Variants in POTEC observed in about 807,000 individuals in gnomAD.
POTEC encodes POTE ankyrin domain family member C.
A neutral mutation model predicts 62.0 loss-of-function variants in POTEC; 35 were observed. The ratio of observed to expected loss-of-function variants is 0.56; its 90% CI spans 0.43 to 0.75. The LOEUF is 0.75. Ranked by LOEUF, POTEC falls within the 30% of genes least tolerant of loss-of-function variation. The pLI is 0.00. For synonymous variants in POTEC, 156 were observed against 221.5 expected, an observed-to-expected ratio of 0.70 and a Z score of 2.62; for missense variants, 472 against 655.9, an observed-to-expected ratio of 0.72 and a Z score of 3.06.
intron 3 of POTEC, among the ~76,000 whole-genome samples, chr18:14,536,663 C>T (rs1357808806): frequency 6.6e-6 from 1 of 152,092 alleles, no homozygotes; most frequent in African/African-American, 2.4e-5. Flanking sequence ...ACAACTCTAG[C>T]TGGAAGCTAG....
At chr18:14,534,844 A>T in intron 4 of POTEC, 57 bp downstream of exon 4, 1 of 1,500,414 alleles carries the variant, frequency 6.7e-7, no homozygotes, top group Non-Finnish European at 8.9e-7. Context: ...ATTATTTATG[A>T]CTTGAGTGAC....
chr18:14,537,187 A>C (rs1905748894), intron 3 of POTEC, among the ~76,000 whole-genome samples: 1 of 75,206 alleles, frequency 1.3e-5, no homozygotes, highest in African/African-American at 8.8e-5. Flanking sequence ...ACACACACAC[A>C]CACACACACA....
rs575312213 is a variant in POTEC at position 14,538,135 on chromosome 18, C to T, written c.636G>A (p.Lys212=). 1.3e-3 allele frequency: 2,014 copies of T among 1,607,382 alleles called. 4 individuals carry two copies. The highest frequency in any genetic ancestry group is 1.5e-3 in the Non-Finnish European group (1,794 of 1,177,406). The stretch of plus-strand genomic sequence containing the variant: ...GCTGATATAGTTGACTACTGCATAC[C>T]TTTATCAGAGCTGTCCTTTTTTTGT... The part of the protein sequence containing the change: ...LDNKKRTALI[K]AVQCQEDECV... The change falls in exon 2 of 11, where the codon AAG becomes AAA. Residue 212 remains lysine (K), a splice_region_variant and synonymous_variant. Coordinates refer to ENST00000358970, the MANE Select transcript of POTEC (RefSeq NM_001137671.2).
At chr18:14,542,415 G>A (rs1293611732) in intron 1 of POTEC, among the ~76,000 whole-genome samples, 2 of 152,126 alleles carry the variant, frequency 1.3e-5, no homozygotes, top group African/African-American at 2.4e-5. Context: ...GTTCTATAAG[G>A]GAAATTATAA....
chr18:14,521,018 A>G (rs1598478126), intron 9 of POTEC, among the ~76,000 whole-genome samples: 1 of 152,164 alleles, frequency 6.6e-6, no homozygotes, highest in East Asian at 1.9e-4. Flanking sequence ...TATTTACTAA[A>G]TGGCTCTTTG....
Position 14,524,949 on chromosome 18 carries a change from T to C in POTEC, c.1161A>G (p.Ser387=). ...TATTTTCACTGACTTTAAGCCTTTGTGACTCTTCCTCTGATGTTAGCTTTA... is the reference window on the plus strand; with the variant it reads ...TATTTTCACTGACTTTAAGCCTTTGCGACTCTTCCTCTGATGTTAGCTTTA... The part of the protein sequence containing the change: ...QDLKLTSEEE[S]QRLKVSENSQ... The change falls in exon 7 of 11, where the codon TCA becomes TCG. Residue 387 remains serine, a synonymous_variant. Coordinates refer to ENST00000358970, the MANE Select transcript of POTEC (RefSeq NM_001137671.2). The C allele has an allele frequency of 2.5e-6, 4 of 1,605,866 alleles. No homozygotes were observed. Among genetic ancestry groups the C allele is most frequent in the Non-Finnish European group, 3.4e-6 (4 of 1,177,732 alleles).
rs536135284 is a variant in POTEC at position 14,535,965 on chromosome 18, C to T, written c.811-958G>A. 8.4e-4 allele frequency among the ~76,000 whole-genome samples: 128 copies of T among 152,008 alleles called. 1 individual carries two copies. The highest frequency in any genetic ancestry group is 7.1e-4 in the Non-Finnish European group (48 of 68,006). On this transcript the variant is annotated intron_variant, in intron 3 of 10. Coordinates refer to ENST00000358970, the MANE Select transcript of POTEC (RefSeq NM_001137671.2). ...AATAATATTCATTTTAATGTCCCAA[C>T]GACAGAGATAAGTCAGACTAGGCCA...
At chr18:14,533,926 A>C (rs1389717261) in intron 4 of POTEC, among the ~76,000 whole-genome samples, 2 of 88,546 alleles carry the variant, frequency 2.3e-5, no homozygotes, top group African/African-American at 8.7e-5. Context: ...TTGTTTTGTT[A>C]TTTTTTTTTA....
intron 1 of POTEC, among the ~76,000 whole-genome samples, chr18:14,539,040 G>A (rs1176453114): frequency 2.0e-5 from 3 of 151,922 alleles, no homozygotes; most frequent in East Asian, 1.9e-4. Context: ...AGAGGGCTGA[G>A]GTGAAAACAA....
At chr18:14,535,325 C>T (rs1598481410) in intron 3 of POTEC, among the ~76,000 whole-genome samples, 1 of 148,372 alleles carries the variant, frequency 6.7e-6, no homozygotes, top group Non-Finnish European at 1.5e-5. Context: ...TTCTTGAGGG[C>T]GGGGGCTGTA....
intron 6 of POTEC, 38 bp downstream of exon 6, chr18:14,530,445 A>G (rs1201302039): frequency 3.1e-6 from 5 of 1,601,482 alleles, no homozygotes; most frequent in Non-Finnish European, 4.3e-6. Flanking sequence ...AACATTGTGG[A>G]CAACTGACCT....
intron 3 of POTEC, among the ~76,000 whole-genome samples, chr18:14,537,539 A>T (rs556942370): frequency 6.6e-6 from 1 of 151,630 alleles, no homozygotes; most frequent in East Asian, 1.9e-4. Context: ...GAAAAATTGA[A>T]AAAAAAAAGT....
At chr18:14,532,571 A>C (rs1348967682) in intron 5 of POTEC, among the ~76,000 whole-genome samples, 1 of 152,150 alleles carries the variant, frequency 6.6e-6, no homozygotes, top group East Asian at 1.9e-4. Flanking sequence ...AAACAACAGA[A>C]TGATTGGAAT....
At chr18:14,521,191 G>T (rs1910298667) in intron 9 of POTEC, among the ~76,000 whole-genome samples, 1 of 151,986 alleles carries the variant, frequency 6.6e-6, no homozygotes, top group Non-Finnish European at 1.5e-5. Context: ...CGGCACTCAG[G>T]CACTGACAAC....
intron 3 of POTEC, among the ~76,000 whole-genome samples, chr18:14,535,316 T>A (rs1359178340): frequency 6.7e-6 from 1 of 149,450 alleles, no homozygotes; most frequent in Non-Finnish European, 1.5e-5. Context: ...ACAAAAAGCT[T>A]CTTGAGGGCG....
intron 6 of POTEC, chr18:14,527,909 C>T (rs1053370895): frequency 4.6e-5 from 7 of 152,218 alleles, no homozygotes; most frequent in African/African-American, 7.2e-5. Context: ...GAAACTATAG[C>T]TGACTACTGC....
At chr18:14,516,062 C>A (rs1235792438) in intron 9 of POTEC, among the ~76,000 whole-genome samples, 1 of 150,652 alleles carries the variant, frequency 6.6e-6, no homozygotes, top group Non-Finnish European at 1.5e-5. Flanking sequence ...GAGTTATACA[C>A]TGCTGGTGGG....
intron 10 of POTEC, among the ~76,000 whole-genome samples, chr18:14,513,237 C>T (rs1206220889): frequency 6.6e-6 from 1 of 152,106 alleles, no homozygotes; most frequent in Non-Finnish European, 1.5e-5. Flanking sequence ...CCCAGCTGTA[C>T]ATTTCCTACT....
chr18:14,518,905 A>C (rs1458559423), intron 9 of POTEC, among the ~76,000 whole-genome samples: 1 of 151,970 alleles, frequency 6.6e-6, no homozygotes, highest in Admixed American at 6.6e-5. Context: ...GTGAAATGGG[A>C]GATAATCAGA....
Sources: allele counts gnomAD v4.1 joint callset (sites outside exome capture counted in the v4.1 genomes callset), GRCh38; gene constraint gnomAD v4.1.1; transcripts MANE v1.5; gene names NCBI Gene and HGNC (gene_info 2026-07-23, HGNC 2026-07-21).